PFKM: variants seen among roughly 807,000 people sequenced by gnomAD.
The protein encoded by PFKM is ATP-dependent 6-phosphofructokinase, muscle type.
A neutral mutation model predicts 95.5 loss-of-function variants in PFKM; 58 were observed. The observed-to-expected ratio is 0.61, with a 90% confidence interval of 0.49 to 0.76. The LOEUF is 0.76. Ranked by LOEUF, PFKM falls within the 30% of genes least tolerant of loss-of-function variation. The pLI is 0.00. For synonymous variants in PFKM, 336 were observed against 357.2 expected, an observed-to-expected ratio of 0.94 and a Z score of 0.67; for missense variants, 678 against 1,005.4, an observed-to-expected ratio of 0.67 and a Z score of 4.40.
intron 1 of PFKM, 50 bp downstream of exon 1, chr12:48,119,456 T>C: frequency 2.1e-6 from 2 of 962,928 alleles, no homozygotes; most frequent in Non-Finnish European, 2.5e-6. Context: ...GGGAGTGAGG[T>C]GGGAAGGTAT....
chr12:48,138,347 G>A (rs1348527441), intron 11 of PFKM, among the ~76,000 whole-genome samples: 1 of 152,202 alleles, frequency 6.6e-6, no homozygotes, highest in African/African-American at 2.4e-5. Context: ...CCTAGCAAAT[G>A]TTGAGTGCTC....
At chr12:48,119,627 AGGAATCTGGGAT>A (rs540168950) in intron 1 of PFKM, among the ~76,000 whole-genome samples, 150 of 129,152 alleles carry the variant, frequency 1.2e-3, no homozygotes, top group Admixed American at 6.3e-3. Context: ...TGCATTCCCC[AGGAATCTGGGAT>A]GGGTGGGTGG....
intron 15 of PFKM, 144 bp from the exon 16 acceptor site, chr12:48,141,594 CTG>C (rs1223151973): frequency 1.3e-6 from 1 of 791,100 alleles, no homozygotes; most frequent in Non-Finnish European, 2.2e-6. Flanking sequence ...TTGGATAGGA[CTG>C]AGAGGGTGGG....
chr12:48,105,414 A>T (rs144008691), upstream of PFKM: 286 of 519,054 alleles, frequency 5.5e-4, 4 homozygotes, highest in African/African-American at 5.1e-3. Flanking sequence ...GGAGGCGATG[A>T]GCCAGGTAAG....
intron 2 of PFKM, chr12:48,125,246 G>C: frequency 2.4e-6 from 1 of 411,604 alleles, no homozygotes; most frequent in Non-Finnish European, 4.8e-6. Context: ...ACCTCAGTCA[G>C]TCATCTGCTC....
chr12:48,106,019 G>A, exon 1 of PFKM: 1 of 701,152 alleles, frequency 1.4e-6, no homozygotes, highest in Non-Finnish European at 2.6e-6. Context: ...GCTTCCCGCC[G>A]CCACTCACCG....
At chr12:48,116,124 CCCTT>C (rs200114445), upstream of PFKM, among the ~76,000 whole-genome samples, 38 of 145,830 alleles carry the variant, frequency 2.6e-4, no homozygotes, top group East Asian at 8.6e-4. Flanking sequence ...CCCCTTCCCT[CCCTT>C]CCTTCCTTCC....
intron 9 of PFKM, 70 bp downstream of exon 9, chr12:48,135,108 G>T: frequency 7.9e-7 from 1 of 1,270,940 alleles, no homozygotes; most frequent in African/African-American, 1.5e-5. Context: ...TGAGTCTCCT[G>T]ACATTGCTTC....
At chr12:48,108,023 C>T (rs1324473574) in intron 2 of PFKM, 5 of 1,592,404 alleles carry the variant, frequency 3.1e-6, no homozygotes, top group Non-Finnish European at 4.3e-6. Context: ...AGGAACACTC[C>T]CTTCCCAGAA....
At chr12:48,117,754 C>T (rs1947798815), upstream of PFKM, among the ~76,000 whole-genome samples, 2 of 152,222 alleles carry the variant, frequency 1.3e-5, no homozygotes, top group Non-Finnish European at 2.9e-5. Context: ...ATAGCTCCCC[C>T]ATGACACAGC....
chr12:48,137,528 A>C (rs148044544), intron 10 of PFKM, 193 bp from the exon 11 acceptor site: 1 of 637,482 alleles, frequency 1.6e-6, no homozygotes, highest in African/African-American at 1.8e-5. Flanking sequence ...TTCCGATGGC[A>C]AGAATACAGA....
At chr12:48,139,409 G>GATCT (rs1002087092) in intron 12 of PFKM, 60 bp downstream of exon 12, 1 of 1,311,116 alleles carries the variant, frequency 7.6e-7, no homozygotes, top group African/African-American at 1.4e-5. Flanking sequence ...CGAAGCCAAA[G>GATCT]ATCTCCATGG....
At chr12:48,110,242 A>G (rs1261066242) in intron 3 of PFKM, among the ~76,000 whole-genome samples, 1 of 152,138 alleles carries the variant, frequency 6.6e-6, no homozygotes, top group Non-Finnish European at 1.5e-5. Flanking sequence ...GAATGGGCCA[A>G]TGTGACTTGA....
chr12:48,135,881 CATTATT>C (rs538555965), intron 10 of PFKM, among the ~76,000 whole-genome samples: 2 of 151,630 alleles, frequency 1.3e-5, no homozygotes, highest in Non-Finnish European at 2.9e-5. Flanking sequence ...CATCCCTCCT[CATTATT>C]ATTATTATTA....
In PFKM at chr12:48,135,355, G is replaced by T. The variant is rs1949972649; in HGVS notation, c.908G>T (p.Gly303Val). 11 of 1,613,882 alleles carry T rather than the reference G, an allele frequency of 6.8e-6. No individual in the cohort carries two copies. Among genetic ancestry groups the T allele is most frequent in the Non-Finnish European group, 9.3e-6 (11 of 1,179,860 alleles). ...GTCTTGGGGCATGTGCAGAGGGGTGGGACGCCATCAGCCTTTGACAGAATT... is the reference window on the plus strand; with the variant it reads ...GTCTTGGGGCATGTGCAGAGGGGTGTGACGCCATCAGCCTTTGACAGAATT... ...VTVLGHVQRG[G>V]TPSAFDRILG... Residue 303 changes from glycine (G) to valine (V), a missense_variant, in exon 10 of 23, where the codon GGG becomes GTG. Transcript: ENST00000359794.
At chr12:48,120,484 C>A (rs568001183) in intron 1 of PFKM, among the ~76,000 whole-genome samples, 1 of 152,126 alleles carries the variant, frequency 6.6e-6, no homozygotes, top group Admixed American at 6.5e-5. Context: ...AGTTCTCAGT[C>A]TAGTTAGGAA....
intron 11 of PFKM, among the ~76,000 whole-genome samples, chr12:48,138,872 G>A (rs1950333200): frequency 6.6e-6 from 1 of 151,944 alleles, no homozygotes; most frequent in African/African-American, 2.4e-5. Context: ...GGCTAACATG[G>A]TGAAAAATAC....
In PFKM at chr12:48,146,169, C is replaced by T. The variant is rs1416455418; in HGVS notation, c.*461C>T. 2 of 202,852 alleles carry T rather than the reference C, an allele frequency of 9.9e-6. No individual in the cohort carries two copies. Among genetic ancestry groups the T allele is most frequent in the Non-Finnish European group, 2.0e-5 (2 of 97,700 alleles). The allele number at this position is 202,852 out of a possible 1,614,324, so 12.6% of individuals were successfully genotyped here. On this transcript the variant is annotated 3_prime_UTR_variant, in exon 23 of 23. Coordinates refer to ENST00000359794, the MANE Select transcript of PFKM (RefSeq NM_000289.6). The stretch of plus-strand genomic sequence containing the variant: ...AATACTGTCAGCCCCATGTATCAGA[C>T]ACTTGTCTGATGAAGCAGTAAAGAC...
intron 19 of PFKM, 34 bp from the exon 20 acceptor site, chr12:48,144,012 A>G (rs763167628): frequency 8.9e-6 from 13 of 1,463,242 alleles, no homozygotes; most frequent in Non-Finnish European, 1.2e-5. Context: ...GAAGCCAACC[A>G]CAGAGTCACA....
Sources: allele counts gnomAD v4.1 joint callset (sites outside exome capture counted in the v4.1 genomes callset), GRCh38; gene constraint gnomAD v4.1.1; transcripts MANE v1.5; gene names NCBI Gene and HGNC (gene_info 2026-07-23, HGNC 2026-07-21).